FIG4: variants seen among roughly 807,000 people sequenced by gnomAD.
FIG4 encodes the protein FIG4 phosphoinositide 5-phosphatase.
A neutral mutation model predicts 118.6 loss-of-function variants in FIG4; 112 were observed. That is an observed-to-expected ratio of 0.94 (90% CI 0.81 to 1.11). FIG4 has a LOEUF of 1.11. FIG4 is among the 50% of genes least tolerant of loss of function. The probability of loss-of-function intolerance (pLI) is 0.00; values close to 1 mark genes in which losing one functional copy is unlikely to be tolerated. For synonymous variants in FIG4, 369 were observed against 381.2 expected (o/e 0.97, Z 0.37); for missense variants, 969 against 1,111.7 (o/e 0.87, Z 1.83).
chr6:109,707,422 CATATATACAT>C (rs1255126677), intron 1 of FIG4, among the ~76,000 whole-genome samples: 100 of 146,178 alleles, frequency 6.8e-4, no homozygotes, highest in African/African-American at 1.7e-3. Context: ...TATACCTATA[CATATATACAT>C]ATATATACAT....
At chr6:109,724,577 C>T (rs1775731071) in intron 3 of FIG4, among the ~76,000 whole-genome samples, 1 of 152,120 alleles carries the variant, frequency 6.6e-6, no homozygotes, top group African/African-American at 2.4e-5. Context: ...GCTGTAGCTT[C>T]TCCAAGTAGT....
intron 22 of FIG4, among the ~76,000 whole-genome samples, chr6:109,801,765 C>T (rs1778434420): frequency 6.6e-6 from 1 of 152,114 alleles, no homozygotes; most frequent in African/African-American, 2.4e-5. Context: ...ACACAATGGC[C>T]ATGATTAACT....
chr6:109,795,594 CCTT>C (rs1778262949), intron 21 of FIG4, among the ~76,000 whole-genome samples: 1 of 42,398 alleles, frequency 2.4e-5, no homozygotes, highest in Non-Finnish European at 6.0e-5. Flanking sequence ...TGGTTTCAGT[CCTT>C]TTTTTTTTTT....
At chr6:109,704,377 C>T (rs1419131444) in intron 1 of FIG4, among the ~76,000 whole-genome samples, 1 of 152,024 alleles carries the variant, frequency 6.6e-6, no homozygotes, top group African/African-American at 2.4e-5. Context: ...GGCTTGGGGC[C>T]AGGCATGGTG....
chr6:109,745,249 C>T lies in FIG4; in HGVS notation c.1137+1477C>T, dbSNP rs145520863. Among the ~76,000 whole-genome samples, 483 of 152,270 alleles carry T rather than the reference C, an allele frequency of 3.2e-3. 3 individuals carry two copies. Among genetic ancestry groups the T allele is most frequent in the African/African-American group, 0.011 (440 of 41,560 alleles). ...TCCACAATGGTTGAACTAATTTACA[C>T]TCCCACCAACAGTGTAAAAGCGTTC... On this transcript the variant is annotated intron_variant, in intron 10 of 22. Coordinates refer to ENST00000230124, the MANE Select transcript of FIG4 (RefSeq NM_014845.6).
In FIG4 at chr6:109,737,896, AAC is replaced by A. The variant is rs904279549; in HGVS notation, c.647-426_647-425del. 7.2e-5 allele frequency among the ~76,000 whole-genome samples: 11 copies of A among 152,224 alleles called. No individual in the cohort carries two copies. The South Asian group carries it at 1.0e-3, about 14-fold the overall frequency. On this transcript the variant is annotated intron_variant, in intron 6 of 22. Coordinates refer to ENST00000230124, the MANE Select transcript of FIG4 (RefSeq NM_014845.6). ...AGCAGAGGTGCCGTGCTCCCTAAGT[AAC>A]ACTCTTGATTGTGCCTGACCCTGCT... is the stretch of plus-strand genomic sequence containing the variant.
intron 22 of FIG4, among the ~76,000 whole-genome samples, chr6:109,805,305 T>C (rs1053657063): frequency 6.6e-6 from 1 of 152,206 alleles, no homozygotes; most frequent in East Asian, 1.9e-4. Context: ...TGAAGTCCCT[T>C]GATCAACATA....
At chr6:109,752,863 T>C (rs1271319929) in intron 10 of FIG4, among the ~76,000 whole-genome samples, 1 of 152,212 alleles carries the variant, frequency 6.6e-6, no homozygotes, top group Non-Finnish European at 1.5e-5. Context: ...ATTTGTCAAT[T>C]TTGGCTTTTG....
chr6:109,757,292 G>A (rs1006667636), intron 10 of FIG4, among the ~76,000 whole-genome samples: 1 of 151,990 alleles, frequency 6.6e-6, no homozygotes, highest in Non-Finnish European at 1.5e-5. Flanking sequence ...TTCATCCTTG[G>A]GATGCAAGGC....
rs549776372 is a variant in FIG4 at position 109,769,455 on chromosome 6, A to T, written c.1750+2560A>T. ...AACAGGCTTCTTTATTTTAAGAAGC[A>T]TGATATCATTGGGGTGTACAACTTA... On this transcript the variant is annotated intron_variant, in intron 15 of 22. Coordinates refer to ENST00000230124, the MANE Select transcript of FIG4 (RefSeq NM_014845.6). Among the ~76,000 whole-genome samples, 4 of 152,310 alleles carry T rather than the reference A, an allele frequency of 2.6e-5. No homozygotes were observed. In the South Asian group the frequency reaches 8.3e-4, roughly 32 times the overall value.
chr6:109,695,126 A>G (rs1774669028), intron 1 of FIG4, among the ~76,000 whole-genome samples: 1 of 152,252 alleles, frequency 6.6e-6, no homozygotes, highest in Admixed American at 6.5e-5. Context: ...AAAGATAAAA[A>G]TAACAAATGT....
chr6:109,801,100 G>C (rs968988377), intron 22 of FIG4, among the ~76,000 whole-genome samples: 1 of 152,198 alleles, frequency 6.6e-6, no homozygotes, highest in Admixed American at 6.5e-5. Flanking sequence ...CATATCATTA[G>C]TGCTTGCTTT....
chr6:109,703,762 C>T (rs913608324), intron 1 of FIG4, among the ~76,000 whole-genome samples: 6 of 152,164 alleles, frequency 3.9e-5, no homozygotes, highest in African/African-American at 1.2e-4. Context: ...CTGTCCTTAT[C>T]GACTTGACTT....
intron 8 of FIG4, among the ~76,000 whole-genome samples, chr6:109,742,671 C>G (rs1003939640): frequency 6.6e-6 from 1 of 152,064 alleles, no homozygotes; most frequent in African/African-American, 2.4e-5. Flanking sequence ...GTAAGTACCT[C>G]AAAACCCTAT....
chr6:109,733,950 TTA>T (rs1256004367), intron 5 of FIG4, among the ~76,000 whole-genome samples: 2 of 151,966 alleles, frequency 1.3e-5, no homozygotes, highest in Non-Finnish European at 2.9e-5. Flanking sequence ...TTTAAAAAGG[TTA>T]TAATATATTC....
chr6:109,758,577 G>A (rs1017245146), intron 10 of FIG4, among the ~76,000 whole-genome samples: 1 of 152,156 alleles, frequency 6.6e-6, no homozygotes, highest in East Asian at 1.9e-4. Context: ...AACACCAAAA[G>A]CAATGGCAAC....
At chr6:109,791,909 A>G (rs971934305) in intron 20 of FIG4, among the ~76,000 whole-genome samples, 8 of 152,160 alleles carry the variant, frequency 5.3e-5, no homozygotes, top group African/African-American at 1.9e-4. Flanking sequence ...CGTGGCCTTC[A>G]CAATCTTTGA....
At chr6:109,798,293 G>A (rs1343762902) in intron 22 of FIG4, among the ~76,000 whole-genome samples, 2 of 152,166 alleles carry the variant, frequency 1.3e-5, no homozygotes, top group Admixed American at 6.5e-5. Context: ...GAACAAGAGG[G>A]TGTTATTAAG....
intron 22 of FIG4, among the ~76,000 whole-genome samples, chr6:109,814,197 A>T (rs2128400912): frequency 6.6e-6 from 1 of 152,244 alleles, no homozygotes; most frequent in South Asian, 2.1e-4. Flanking sequence ...CCCAGGCTGG[A>T]GTGCAGTAGT....
Sources: allele counts gnomAD v4.1 joint callset (sites outside exome capture counted in the v4.1 genomes callset), GRCh38; gene constraint gnomAD v4.1.1; transcripts MANE v1.5; gene names NCBI Gene and HGNC (gene_info 2026-07-23, HGNC 2026-07-21).